The following DNAH7 variants were observed in gnomAD, a reference collection of about 807,000 sequenced individuals.
DNAH7 encodes axonemal beta dynein heavy chain 7.
Under a neutral mutation model 444.6 loss-of-function variants are expected in DNAH7, and 397 were observed. The ratio of observed to expected loss-of-function variants is 0.89; its 90% CI spans 0.82 to 0.97. The LOEUF is 0.97. DNAH7 is among the 50% of genes least tolerant of loss of function. DNAH7 has a pLI of 0.00. For missense variants in DNAH7, 4,902 were observed against 4,800.8 expected (o/e 1.02, Z -0.62); for synonymous variants, 1,636 against 1,624.4 (o/e 1.01, Z -0.17).
chr2:195,941,740 A>G (rs1459224509), intron 19 of DNAH7, among the ~76,000 whole-genome samples: 1 of 152,126 alleles, frequency 6.6e-6, no homozygotes, highest in East Asian at 1.9e-4. Flanking sequence ...ACTTCAAGAA[A>G]GGAAATGTAG....
rs768585848 is a variant in DNAH7, at chr2:195,891,669, A to G, written c.5032T>C (p.Phe1678Leu). 6 of 1,590,506 alleles carry G rather than the reference A, an allele frequency of 3.8e-6. No homozygotes were observed. The Admixed American group carries it at 7.1e-5, about 19-fold the overall frequency. Residue 1678 changes from phenylalanine to leucine, a missense_variant, in exon 31 of 65, where the codon TTT (phenylalanine) becomes CTT (leucine). By Grantham distance (22) the Phe-to-Leu change is conservative. Coordinates refer to ENST00000312428, the MANE Select transcript of DNAH7 (RefSeq NM_018897.3). The part of the protein sequence containing the change: ...DGVLAVSFRA[F>L]ASSVTPDRKW... ...TTAGAACTTACCACTGAAGAGGCAA[A>G]TGCTCTAAAACTGACAGCAAGGACC... is the stretch of plus-strand genomic sequence containing the variant.
At chr2:195,981,148 T>C (rs1574941679) in intron 15 of DNAH7, among the ~76,000 whole-genome samples, 1 of 152,258 alleles carries the variant, frequency 6.6e-6, no homozygotes, top group Non-Finnish European at 1.5e-5. Flanking sequence ...AGTTGCAGGA[T>C]ACAAAGTTAC....
intron 15 of DNAH7, among the ~76,000 whole-genome samples, chr2:195,981,876 G>T (rs964480654): frequency 1.3e-5 from 2 of 152,130 alleles, no homozygotes; most frequent in Non-Finnish European, 2.9e-5. Context: ...AGGAAACATT[G>T]GAGAAACTTT....
chr2:195,958,785 C>T (rs980351836), intron 18 of DNAH7, among the ~76,000 whole-genome samples: 5 of 151,974 alleles, frequency 3.3e-5, no homozygotes, highest in Admixed American at 2.6e-4. Context: ...TCATGTCAAC[C>T]CTATGAGGTA....
intron 58 of DNAH7, among the ~76,000 whole-genome samples, chr2:195,785,587 C>CTTT (rs56028042): frequency 1.7e-5 from 2 of 114,574 alleles, no homozygotes; most frequent in East Asian, 2.8e-4. Context: ...TTACTGAGAG[C>CTTT]TTTTTTTTTT....
At chr2:195,993,928 C>T (rs1344016792) in intron 12 of DNAH7, among the ~76,000 whole-genome samples, 2 of 152,088 alleles carry the variant, frequency 1.3e-5, no homozygotes, top group Non-Finnish European at 2.9e-5. Flanking sequence ...CAAGCCAATC[C>T]GGGAAGAAGG....
intron 19 of DNAH7, 146 bp from the exon 20 acceptor site, chr2:195,936,938 T>G: frequency 1.5e-6 from 1 of 655,314 alleles, no homozygotes; most frequent in Non-Finnish European, 2.4e-6. Context: ...AAAAGTAGTC[T>G]TGCATATTCT....
intron 57 of DNAH7, among the ~76,000 whole-genome samples, chr2:195,793,168 C>T (rs1204400621): frequency 1.3e-5 from 2 of 152,114 alleles, no homozygotes; most frequent in East Asian, 3.8e-4. Context: ...AACTCCTGGC[C>T]TCAAACAATC....
chr2:195,987,109 GT>G lies in DNAH7; in HGVS notation c.1710del (p.Lys570AsnfsTer3), dbSNP rs1692965151. 1 of 1,608,102 alleles carries G rather than the reference GT, an allele frequency of 6.2e-7. No homozygotes were observed. Among genetic ancestry groups the G allele is most frequent in the Admixed American group, 1.7e-5 (1 of 58,398 alleles). On this transcript the variant is annotated frameshift_variant, in exon 14 of 65. Transcript: ENST00000312428. LOFTEE classifies it high-confidence loss of function. Reference sequence around the variant, plus strand: ...TGATCTCTGAACATTTTAGCTAGAAGTTTCCCACAAATAATATCTGCTCGCT... The same window carrying G: ...TGATCTCTGAACATTTTAGCTAGAAGTTCCCACAAATAATATCTGCTCGCT... ...LVKRADIICGKLLAKMFRDHQ... is the reference protein window; with the variant it reads ...LVKRADIICGXLLAKMFRDHQ...
chr2:195,740,644 T>TACAC (rs1164782098), intron 64 of DNAH7, 122 bp downstream of exon 64: 6 of 125,882 alleles, frequency 4.8e-5, no homozygotes, highest in Admixed American at 4.3e-4. Context: ...TATATATATA[T>TACAC]ACATATACAC....
chr2:196,001,505 C>T (rs1694033280), intron 11 of DNAH7, among the ~76,000 whole-genome samples, 170 bp downstream of exon 11: 1 of 152,118 alleles, frequency 6.6e-6, no homozygotes, highest in Non-Finnish European at 1.5e-5. Flanking sequence ...GTGGGGACTA[C>T]AGACATGTGC....
chr2:195,750,825 T>C (rs1285115830), intron 63 of DNAH7, among the ~76,000 whole-genome samples: 1 of 152,226 alleles, frequency 6.6e-6, no homozygotes. Flanking sequence ...ATGCTGTTTC[T>C]TTGATTTGCT....
chr2:196,007,491 C>A (rs1454847323), intron 10 of DNAH7, among the ~76,000 whole-genome samples: 1 of 152,056 alleles, frequency 6.6e-6, no homozygotes, highest in African/African-American at 2.4e-5. Flanking sequence ...GTTCTGTTTA[C>A]CACACAGGAA....
Position 195,796,540 on chromosome 2 carries a change from G to A in DNAH7, c.10515+36C>T, listed in dbSNP as rs200338976. The A allele has an allele frequency of 4.3e-5, 69 of 1,607,076 alleles. No individual in the cohort carries two copies. The Admixed American group carries it at 6.8e-4, about 16-fold the overall frequency. ...ATGTATATTACTAATTAGATCCAGG[G>A]AATGCAATCTAATAAGTATAAACTT... On this transcript the variant is annotated intron_variant, in intron 56 of 64. Transcript: ENST00000312428.
intron 61 of DNAH7, among the ~76,000 whole-genome samples, chr2:195,764,875 A>G (rs77588943): frequency 5.0e-5 from 5 of 99,016 alleles, no homozygotes; most frequent in East Asian, 7.3e-4. Flanking sequence ...ATAGAAATAG[A>G]AAAAAAAAAA....
At position 196,058,036 on chromosome 2, in the gene DNAH7, G is replaced by C. The variant is rs1262422885; in HGVS notation, c.78+18C>G. 3 of 1,476,766 alleles carry C rather than the reference G, an allele frequency of 2.0e-6. No homozygotes were observed. The South Asian group carries it at 4.4e-5, about 22-fold the overall frequency. 91.5% of individuals were successfully genotyped at this position (1,476,766 alleles called of 1,614,324 possible). On this transcript the variant is annotated intron_variant, in intron 2 of 64. Coordinates refer to ENST00000312428, the MANE Select transcript of DNAH7 (RefSeq NM_018897.3). ...TTATCATAAAGGAATGAAGTATGAT[G>C]GTATATTGGTAAATTACCATAGACA...
At chr2:195,784,662 A>C (rs1695525893) in intron 58 of DNAH7, among the ~76,000 whole-genome samples, 1 of 152,206 alleles carries the variant, frequency 6.6e-6, no homozygotes, top group Non-Finnish European at 1.5e-5. Context: ...TAGTTTTATA[A>C]GAAACTGCTA....
intron 13 of DNAH7, 65 bp from the exon 14 acceptor site, chr2:195,987,258 GC>G: frequency 7.8e-7 from 1 of 1,276,160 alleles, no homozygotes; most frequent in Non-Finnish European, 1.1e-6. Flanking sequence ...TCACAATTTT[GC>G]CATTCTCATA....
At chr2:195,988,280 T>C (rs1277935312) in intron 12 of DNAH7, 51 bp from the exon 13 acceptor site, 4 of 1,415,464 alleles carry the variant, frequency 2.8e-6, no homozygotes, top group African/African-American at 2.9e-5. Context: ...AAAGTAACTA[T>C]ATCATTTATC....
Sources: allele counts gnomAD v4.1 joint callset (sites outside exome capture counted in the v4.1 genomes callset), GRCh38; gene constraint gnomAD v4.1.1; transcripts MANE v1.5; gene names NCBI Gene and HGNC (gene_info 2026-07-23, HGNC 2026-07-21).